The following PTPRG variants were observed in gnomAD, a reference collection of about 807,000 sequenced individuals.
PTPRG encodes protein tyrosine phosphatase receptor type G.
In PTPRG, 102 loss-of-function variants were observed where a neutral mutation model predicts 165.3. The observed-to-expected ratio is 0.62, with a 90% CI of 0.53 to 0.73. The LOEUF (loss-of-function observed/expected upper bound fraction) is 0.73. Ranked by LOEUF, PTPRG falls within the 30% of genes least tolerant of loss-of-function variation. The probability of loss-of-function intolerance (pLI) is 0.00; values close to 1 mark genes in which losing one functional copy is unlikely to be tolerated. For synonymous variants in PTPRG, 675 were observed against 669.5 expected, an observed-to-expected ratio of 1.01 and a Z score of -0.13; for missense variants, 1,866 against 1,861.4, an observed-to-expected ratio of 1.00 and a Z score of -0.05.
At chr3:61,621,059 G>GTGTA (rs1200260627) in intron 1 of PTPRG, among the ~76,000 whole-genome samples, 2 of 121,600 alleles carry the variant, frequency 1.6e-5, no homozygotes, top group African/African-American at 5.5e-5. Context: ...ATATGTGTGT[G>GTGTA]TGTGTGTGTG....
rs376537733 is a variant in PTPRG, at chr3:61,627,081, AAC to A, written c.85+64711_85+64712del. On this transcript the variant is annotated intron_variant, in intron 1 of 29. Transcript: ENST00000474889. Reference sequence around the variant, plus strand: ...ATGCAGTGTGTGGACTTTGAATTTGAACAAATCAATGTTAAAAGCAAATTTTT... The same window carrying A: ...ATGCAGTGTGTGGACTTTGAATTTGAAAATCAATGTTAAAAGCAAATTTTT... Among the ~76,000 whole-genome samples, 373 of 141,922 alleles carry A rather than the reference AAC, an allele frequency of 2.6e-3. 2 individuals are homozygous for A. The highest frequency in any genetic ancestry group is 4.5e-3 in the Non-Finnish European group (301 of 66,328). 93.1% of individuals were successfully genotyped at this position (141,922 alleles called of 152,430 possible).
intron 1 of PTPRG, among the ~76,000 whole-genome samples, chr3:61,599,107 C>T (rs1441378403): frequency 6.6e-6 from 1 of 152,142 alleles, no homozygotes. Flanking sequence ...GTCAAGCAAC[C>T]TACAGATTTG....
At chr3:61,579,752 G>C (rs2106793284) in intron 1 of PTPRG, among the ~76,000 whole-genome samples, 1 of 152,322 alleles carries the variant, frequency 6.6e-6, no homozygotes, top group East Asian at 1.9e-4. Context: ...GCTGAGTTCT[G>C]AAAAGGAGAA....
At chr3:62,062,117 T>C (rs922351874) in intron 4 of PTPRG, among the ~76,000 whole-genome samples, 1 of 151,466 alleles carries the variant, frequency 6.6e-6, no homozygotes, top group African/African-American at 2.4e-5. Context: ...CTGACCAACA[T>C]GGAGAAACCC....
In PTPRG at chr3:62,296,685, A is replaced by C. The variant is rs148039442; in HGVS notation, c.*3378A>C. ...TTTTTAACAGATGTAATTTCACTTA[A>C]CCCTTTGCGCTTTCCCTTAGTTGTC... On this transcript the variant is annotated 3_prime_UTR_variant, in exon 30 of 30. Transcript: ENST00000474889. 6 of 151,314 alleles carry C rather than the reference A, an allele frequency of 4.0e-5. No individual in the cohort carries two copies. In the East Asian group the frequency reaches 1.2e-3, roughly 29 times the overall value. 9.4% of individuals were successfully genotyped at this position (151,314 alleles called of 1,614,324 possible).
intron 2 of PTPRG, among the ~76,000 whole-genome samples, chr3:61,973,725 G>A (rs1191208236): frequency 1.3e-5 from 2 of 151,934 alleles, no homozygotes; most frequent in South Asian, 2.1e-4. Context: ...CCAGCTACTC[G>A]GGAGGTTGAG....
At chr3:61,567,424 TCA>T (rs1396556081) in intron 1 of PTPRG, among the ~76,000 whole-genome samples, 1 of 152,090 alleles carries the variant, frequency 6.6e-6, no homozygotes, top group East Asian at 1.9e-4. Context: ...ACTCCTATAA[TCA>T]CAGTGCTTTG....
chr3:61,823,861 T>A (rs1397442290), intron 2 of PTPRG, among the ~76,000 whole-genome samples: 2 of 152,164 alleles, frequency 1.3e-5, no homozygotes, highest in African/African-American at 4.8e-5. Flanking sequence ...GTGCAGTGGC[T>A]CACGCCTGTA....
chr3:61,654,383 TTTTC>T (rs1382908909), intron 1 of PTPRG, among the ~76,000 whole-genome samples: 5 of 152,240 alleles, frequency 3.3e-5, no homozygotes, highest in South Asian at 2.1e-4. Context: ...TATCATTCTT[TTTTC>T]TTTCTTTCTT....
intron 2 of PTPRG, among the ~76,000 whole-genome samples, chr3:61,855,042 T>A (rs556252911): frequency 6.6e-6 from 1 of 152,284 alleles, no homozygotes; most frequent in Admixed American, 6.5e-5. Context: ...TTCTTCTTAT[T>A]TTCACTGCAT....
At chr3:61,871,216 T>C (rs2037572499) in intron 2 of PTPRG, among the ~76,000 whole-genome samples, 1 of 133,982 alleles carries the variant, frequency 7.5e-6, no homozygotes, top group African/African-American at 2.8e-5. Context: ...TTATGTTATG[T>C]TATGTTATGT....
chr3:61,759,757 C>A (rs1441714998), intron 2 of PTPRG, among the ~76,000 whole-genome samples: 2 of 151,282 alleles, frequency 1.3e-5, no homozygotes, highest in African/African-American at 4.9e-5. Flanking sequence ...TCCTGTGATA[C>A]AAATATTTGA....
At chr3:61,753,457 T>C (rs1575635269) in intron 2 of PTPRG, 1 of 320,762 alleles carries the variant, frequency 3.1e-6, no homozygotes, top group East Asian at 8.3e-5. Flanking sequence ...TCATGAATTT[T>C]GGAGTTTGCC....
chr3:61,820,686 A>C (rs2035927933), intron 2 of PTPRG, among the ~76,000 whole-genome samples: 1 of 148,926 alleles, frequency 6.7e-6, no homozygotes, highest in African/African-American at 2.5e-5. Flanking sequence ...TGTTCATTAA[A>C]ATGGAGAAAG....
chr3:62,138,974 G>T (rs78532318), intron 6 of PTPRG, among the ~76,000 whole-genome samples: 1 of 152,182 alleles, frequency 6.6e-6, no homozygotes, highest in African/African-American at 2.4e-5. Context: ...TGTGTCAGTC[G>T]TCTAAAACGG....
intron 28 of PTPRG, among the ~76,000 whole-genome samples, chr3:62,286,574 TTACTG>T (rs1209526130): frequency 1.3e-5 from 2 of 148,638 alleles, no homozygotes; most frequent in African/African-American, 2.5e-5. Flanking sequence ...AAAAAAAACA[TTACTG>T]TACTTCAGGA....
At chr3:61,965,529 T>C (rs891366061) in intron 2 of PTPRG, among the ~76,000 whole-genome samples, 215 of 140,926 alleles carry the variant, frequency 1.5e-3, no homozygotes, top group African/African-American at 5.5e-3. Flanking sequence ...ACCCTTAGGG[T>C]GGACTTACTT....
intron 1 of PTPRG, among the ~76,000 whole-genome samples, chr3:61,717,318 T>C (rs952619774): frequency 1.1e-4 from 16 of 152,238 alleles, no homozygotes; most frequent in African/African-American, 3.9e-4. Context: ...CATATTGTTA[T>C]TATTCCCATT....
At chr3:61,980,352 T>C (rs2040611613) in intron 2 of PTPRG, among the ~76,000 whole-genome samples, 2 of 152,184 alleles carry the variant, frequency 1.3e-5, no homozygotes. Context: ...TGGATTTTTA[T>C]CCCATGACTG....
Sources: gnomAD v4.1 joint callset for allele counts (sites outside exome capture counted in the v4.1 genomes callset) on GRCh38, gnomAD v4.1.1 for gene constraint, MANE v1.5 for transcripts, NCBI Gene and HGNC (gene_info 2026-07-23, HGNC 2026-07-21) for gene names.